GNPAT: variants seen among roughly 807,000 people sequenced by gnomAD.
The protein encoded by GNPAT is dihydroxyacetone phosphate acyltransferase.
Under a neutral mutation model 78.4 loss-of-function variants are expected in GNPAT, and 30 were observed. The observed-to-expected ratio is 0.38, with a 90% confidence interval of 0.29 to 0.52. The LOEUF is 0.52. Ranked by LOEUF, GNPAT falls within the 20% of genes least tolerant of loss-of-function variation. The pLI, the probability that GNPAT is intolerant of heterozygous loss-of-function variation, is 0.84. For missense variants in GNPAT, 714 were observed against 812.2 expected (o/e 0.88, Z 1.47); for synonymous variants, 271 against 281.1 (o/e 0.96, Z 0.36).
intron 11 of GNPAT, 65 bp from the exon 12 acceptor site, chr1:231,273,857 T>C: frequency 7.9e-7 from 1 of 1,269,374 alleles, no homozygotes; most frequent in Middle Eastern, 2.4e-4. Context: ...AGGGGGTACA[T>C]GTATTCAGAT....
At chr1:231,255,273 A>G (rs182050398) in intron 2 of GNPAT, among the ~76,000 whole-genome samples, 2 of 151,882 alleles carry the variant, frequency 1.3e-5, no homozygotes, top group African/African-American at 4.8e-5. Context: ...TATTTCTTCA[A>G]CTACTTCTTT....
intron 9 of GNPAT, among the ~76,000 whole-genome samples, chr1:231,269,547 T>A (rs1447601381): frequency 1.3e-5 from 2 of 152,056 alleles, no homozygotes; most frequent in African/African-American, 4.8e-5. Context: ...TGAGGAGGAT[T>A]TACTGACAAA....
rs552232483 is a variant in GNPAT at position 231,250,431 on chromosome 1, CGAAAA to C, written c.79-526_79-522del. ...TGAGCAAGAGAATAAGCTCTTGTCT[CGAAAA>C]GAAGAAAAGAAAGTTATCACAGCCA... On this transcript the variant is annotated intron_variant, in intron 1 of 15. Coordinates refer to ENST00000366647, the MANE Select transcript of GNPAT (RefSeq NM_014236.4). 5.5e-3 allele frequency among the ~76,000 whole-genome samples: 831 copies of C among 152,076 alleles called. 6 individuals are homozygous for C. Among genetic ancestry groups the C allele is most frequent in the Middle Eastern group, 0.01 (3 of 292 alleles).
rs957683173 is a variant in GNPAT, at chr1:231,241,229, G to A, written c.-150G>A. The A allele has an allele frequency of 6.7e-7, 1 of 1,493,180 alleles. No individual in the cohort carries two copies. 92.5% of individuals were successfully genotyped at this position (1,493,180 alleles called of 1,614,324 possible). A position where few individuals can be genotyped will look rare whatever the true frequency, so the allele number is the denominator to read the frequency against. The stretch of plus-strand genomic sequence containing the variant: ...CGCGGCTTCCGTCCTGGCTGAGATG[G>A]CGGCGCCCGGGATCCTGTGTAGCGG... On this transcript the variant is annotated 5_prime_UTR_variant, in exon 1 of 16. Transcript: ENST00000366647.
chr1:231,247,979 A>C (rs553626934), intron 1 of GNPAT, among the ~76,000 whole-genome samples: 1 of 152,290 alleles, frequency 6.6e-6, no homozygotes, highest in South Asian at 2.1e-4. Flanking sequence ...AAGCTTTTTC[A>C]AAGTATACAT....
chr1:231,265,521 G>A (rs1220100870), intron 5 of GNPAT, 101 bp downstream of exon 5: 2 of 1,109,524 alleles, frequency 1.8e-6, no homozygotes, highest in Non-Finnish European at 2.8e-6. Context: ...TAGCTATTTT[G>A]CTTTCCCTCA....
At chr1:231,273,565 C>T (rs929189304) in intron 11 of GNPAT, among the ~76,000 whole-genome samples, 1 of 152,134 alleles carries the variant, frequency 6.6e-6, no homozygotes, top group East Asian at 1.9e-4. Flanking sequence ...ATTTTTTAAC[C>T]ATAGCATAAT....
intron 2 of GNPAT, among the ~76,000 whole-genome samples, chr1:231,260,196 A>G (rs1685184788): frequency 6.6e-6 from 1 of 152,226 alleles, no homozygotes; most frequent in Non-Finnish European, 1.5e-5. Flanking sequence ...ACACTAGACC[A>G]TGGGCAGCAA....
At chr1:231,275,138 C>A in intron 12 of GNPAT, 83 bp from the exon 13 acceptor site, 1 of 804,036 alleles carries the variant, frequency 1.2e-6, no homozygotes, top group East Asian at 2.6e-5. Context: ...TTAAGAGGGG[C>A]AATGTAAAGT....
chr1:231,265,200 A>G, intron 4 of GNPAT, 93 bp from the exon 5 acceptor site: 2 of 977,092 alleles, frequency 2.0e-6, no homozygotes, highest in East Asian at 2.7e-5. Flanking sequence ...AAAATAAAAT[A>G]ATAAAATATA....
intron 9 of GNPAT, chr1:231,270,125 G>A (rs1685516937): frequency 6.5e-6 from 1 of 154,926 alleles, no homozygotes; most frequent in African/African-American, 2.4e-5. Context: ...GAGAATATTT[G>A]TTAAATATCA....
At chr1:231,276,943 G>T (rs1354002144) in intron 15 of GNPAT, among the ~76,000 whole-genome samples, 1 of 152,156 alleles carries the variant, frequency 6.6e-6, no homozygotes, top group South Asian at 2.1e-4. Flanking sequence ...CGTCAAACCT[G>T]CATGGAAGAG....
At chr1:231,271,103 G>C (rs1315795554) in intron 10 of GNPAT, 103 bp downstream of exon 10, 8 of 1,282,680 alleles carry the variant, frequency 6.2e-6, no homozygotes, top group Non-Finnish European at 5.7e-6. Context: ...CCTCACGCCG[G>C]TGAAGAGCAG....
intron 9 of GNPAT, among the ~76,000 whole-genome samples, chr1:231,268,564 C>G (rs1366417621): frequency 7.1e-6 from 1 of 140,610 alleles, no homozygotes; most frequent in East Asian, 2.1e-4. Context: ...CACTTGAGCC[C>G]AGGAGTTCGA....
In GNPAT at chr1:231,241,403, T is replaced by C; in HGVS notation, c.25T>C (p.Ser9Pro). ...CATGGAGTCTTCCAGTTCATCTAAC[T>C]CTTATTTCTCCGTTGGCCCAACCAG... is the stretch of plus-strand genomic sequence containing the variant. MESSSSSN[S>P]YFSVGPTSPS... The change falls in exon 1 of 16, where the codon TCT becomes CCT. Residue 9 changes from serine to proline, a missense_variant. By Grantham distance (74) the Ser-to-Pro change is moderately conservative (BLOSUM62 -1). Coordinates refer to ENST00000366647, the MANE Select transcript of GNPAT (RefSeq NM_014236.4). 6.2e-7 allele frequency: 1 copy of C among 1,613,916 alleles called. No individual in the cohort carries two copies. Among genetic ancestry groups the C allele is most frequent in the Non-Finnish European group, 8.5e-7 (1 of 1,179,808 alleles).
intron 3 of GNPAT, among the ~76,000 whole-genome samples, chr1:231,260,918 G>A (rs1353143779): frequency 6.6e-6 from 1 of 152,078 alleles, no homozygotes; most frequent in Non-Finnish European, 1.5e-5. Flanking sequence ...AGACCTACAG[G>A]CTTCAGACTA....
Position 231,274,063 on chromosome 1 carries a change from G to A in GNPAT, c.1743+1G>A. On this transcript the variant is annotated splice_donor_variant, in intron 12 of 15. Transcript: ENST00000366647. LOFTEE classifies it high-confidence loss of function. ...TAAACCTTTTGTGGAAAGCTATCAG[G>A]TATGTAAATTTGGCAAGTTCTCCTT... 1 of 1,612,950 alleles carries A rather than the reference G, an allele frequency of 6.2e-7. No homozygotes were observed. The highest frequency in any genetic ancestry group is 1.1e-5 in the South Asian group (1 of 91,052).
At position 231,251,126 on chromosome 1, in the gene GNPAT, C is replaced by A. The variant is rs765747482; in HGVS notation, c.244C>A (p.His82Asn). The A allele has an allele frequency of 2.2e-5, 35 of 1,575,594 alleles. 2 individuals are homozygous for A. In the South Asian group the frequency reaches 3.9e-4, roughly 17 times the overall value. The change falls in exon 2 of 16, where the codon CAT becomes AAT. Residue 82 changes from histidine (H) to asparagine (N), a missense_variant. Physicochemically the swap from His to Asn is moderately conservative, Grantham distance 68. Transcript: ENST00000366647. ...TAGTGTTCTCAATTCTGAGGAGATT[C>A]ATTATGTCATTAAACAGGTAAGTGA... The part of the protein sequence containing the change: ...KCSVLNSEEI[H>N]YVIKQLSKES...
Position 231,273,969 on chromosome 1 carries a change from A to G in GNPAT, c.1650A>G (p.Gln550=), listed in dbSNP as rs2102826764. 1.2e-6 allele frequency: 2 copies of G among 1,611,464 alleles called. No homozygotes were observed. The highest frequency in any genetic ancestry group is 2.2e-5 in the South Asian group (2 of 91,034). Residue 550 remains glutamine, a synonymous_variant, in exon 12 of 16, where the codon CAA becomes CAG. Coordinates refer to ENST00000366647, the MANE Select transcript of GNPAT (RefSeq NM_014236.4). ...TGCTTTGTAAAAGTGAAGCCATACA[A>G]GTGACTACGAAAGACATCCTAGTTA... ...CYLLCKSEAI[Q]VTTKDILVTE...
Sources: gnomAD v4.1 joint callset for allele counts (sites outside exome capture counted in the v4.1 genomes callset) on GRCh38, gnomAD v4.1.1 for gene constraint, MANE v1.5 for transcripts, NCBI Gene and HGNC (gene_info 2026-07-23, HGNC 2026-07-21) for gene names.